The following XRCC4 variants were observed in gnomAD, a reference collection of about 807,000 sequenced individuals.
XRCC4 encodes the protein DNA repair protein XRCC4.
XRCC4 carries 28 observed loss-of-function variants against 39.1 expected under a neutral mutation model. That is an observed-to-expected ratio of 0.72 (90% CI 0.53 to 0.98). The LOEUF (loss-of-function observed/expected upper bound fraction) is 0.98. Among genes scored for constraint, XRCC4 ranks in the 50% least tolerant of loss-of-function variants. The pLI, the probability that XRCC4 is intolerant of heterozygous loss-of-function variation, is 0.00. For synonymous variants in XRCC4, 123 were observed against 126.4 expected (o/e 0.97, Z 0.18); for missense variants, 350 against 376.4 (o/e 0.93, Z 0.58).
chr5:83,331,049 C>T (rs537523536), intron 7 of XRCC4, among the ~76,000 whole-genome samples: 1 of 152,036 alleles, frequency 6.6e-6, no homozygotes, highest in African/African-American at 2.4e-5. Context: ...TAGGTAGATG[C>T]AATACTCTAG....
At chr5:83,123,527 TTATGTAA>T (rs28745316) in intron 3 of XRCC4, among the ~76,000 whole-genome samples, 2,267 of 146,120 alleles carry the variant, frequency 0.016, 71 homozygotes, top group African/African-American at 0.055. Context: ...CATTTATGTT[TTATGTAA>T]TTATTGACAA....
chr5:83,258,980 G>T, intron 7 of XRCC4: 1 of 274,296 alleles, frequency 3.6e-6, no homozygotes, highest in Non-Finnish European at 6.9e-6. Flanking sequence ...TCAGTAAAGT[G>T]TTTCAATCTA....
intron 7 of XRCC4, among the ~76,000 whole-genome samples, chr5:83,277,836 A>T (rs1754388032): frequency 6.6e-6 from 1 of 152,228 alleles, no homozygotes; most frequent in Non-Finnish European, 1.5e-5. Context: ...CAGAAACTTT[A>T]GGATAACTAT....
intron 2 of XRCC4, among the ~76,000 whole-genome samples, chr5:83,110,283 A>G (rs1746382011): frequency 6.6e-6 from 1 of 152,064 alleles, no homozygotes; most frequent in African/African-American, 2.4e-5. Context: ...CAGAAATGAA[A>G]GAGATCTTAA....
At chr5:83,175,054 G>C (rs571701911) in intron 3 of XRCC4, among the ~76,000 whole-genome samples, 32 of 152,216 alleles carry the variant, frequency 2.1e-4, no homozygotes, top group Middle Eastern at 6.8e-3. Flanking sequence ...TGAATTTCAA[G>C]TTTTCTTGTA....
chr5:83,091,532 C>A (rs1203665001), intron 1 of XRCC4, among the ~76,000 whole-genome samples: 1 of 152,176 alleles, frequency 6.6e-6, no homozygotes, highest in Non-Finnish European at 1.5e-5. Flanking sequence ...CCCTACCACC[C>A]AGCCTCTGGT....
chr5:83,299,879 A>G (rs1755216607), intron 7 of XRCC4, among the ~76,000 whole-genome samples: 1 of 151,856 alleles, frequency 6.6e-6, no homozygotes, highest in African/African-American at 2.4e-5. Context: ...TTCACCACCA[A>G]CTTTTGTTGC....
intron 7 of XRCC4, among the ~76,000 whole-genome samples, chr5:83,299,883 T>C (rs1371589125): frequency 6.6e-6 from 1 of 152,186 alleles, no homozygotes; most frequent in Admixed American, 6.5e-5. Flanking sequence ...CCACCAACTT[T>C]TGTTGCTTTT....
chr5:83,246,667 A>G (rs74576597), intron 6 of XRCC4, among the ~76,000 whole-genome samples: 544 of 152,290 alleles, frequency 3.6e-3, no homozygotes, highest in Non-Finnish European at 5.9e-3. Flanking sequence ...AGCATACATG[A>G]AACATTTACC....
Position 83,353,427 on chromosome 5 carries a change from T to C in XRCC4, c.*185T>C. On this transcript the variant is annotated 3_prime_UTR_variant, in exon 8 of 8. Coordinates refer to ENST00000396027, the MANE Select transcript of XRCC4 (RefSeq NM_003401.5). ...TGTATACAAAGATACGATTTGATGA[T>C]GACACTGGCACATTATTCTAAACTA... 2.1e-6 allele frequency: 1 copy of C among 466,196 alleles called. No homozygotes were observed. The highest frequency in any genetic ancestry group is 3.8e-6 in the Non-Finnish European group (1 of 260,890). The allele number at this position is 466,196 out of a possible 1,614,324, so 28.9% of individuals were successfully genotyped here.
intron 3 of XRCC4, among the ~76,000 whole-genome samples, chr5:83,185,249 A>G (rs1272476634): frequency 1.3e-5 from 2 of 151,942 alleles, no homozygotes; most frequent in Admixed American, 6.6e-5. Flanking sequence ...ATGAAAAAAC[A>G]TGATGGTCCT....
At chr5:83,320,066 A>T (rs1756002851) in intron 7 of XRCC4, among the ~76,000 whole-genome samples, 1 of 149,780 alleles carries the variant, frequency 6.7e-6, no homozygotes, top group African/African-American at 2.5e-5. Context: ...AGGGACATGG[A>T]TGAAATTGGA....
intron 7 of XRCC4, chr5:83,310,709 T>G (rs1490110409): frequency 4.5e-6 from 2 of 444,642 alleles, no homozygotes; most frequent in African/African-American, 2.0e-5. Flanking sequence ...CAGCTGTGAT[T>G]AAATTAAGTA....
chr5:83,241,627 A>G (rs974459184), intron 6 of XRCC4, among the ~76,000 whole-genome samples: 1 of 152,178 alleles, frequency 6.6e-6, no homozygotes, highest in Non-Finnish European at 1.5e-5. Flanking sequence ...ATCCTTGTAC[A>G]ATGCAGAGTT....
In XRCC4 at chr5:83,258,515, CT is replaced by C. The variant is rs1438259043; in HGVS notation, c.746-14del. On this transcript the variant is annotated splice_polypyrimidine_tract_variant and intron_variant, in intron 6 of 7. Transcript: ENST00000396027. ...TAATTTTGTTGGGTCACATTCTCAT[CT>C]CATTTTATTTCAGCTGCTGTAAGTA... 5.0e-6 allele frequency: 8 copies of C among 1,604,560 alleles called. No individual in the cohort carries two copies. Among genetic ancestry groups the C allele is most frequent in the Non-Finnish European group, 6.8e-6 (8 of 1,177,306 alleles).
chr5:83,306,910 G>T (rs1482793500), intron 7 of XRCC4, among the ~76,000 whole-genome samples: 1 of 152,186 alleles, frequency 6.6e-6, no homozygotes, highest in Admixed American at 6.5e-5. Context: ...GGGAACAGAG[G>T]AAGGGAAATT....
intron 7 of XRCC4, among the ~76,000 whole-genome samples, chr5:83,329,129 T>A (rs1756359177): frequency 6.6e-6 from 1 of 151,922 alleles, no homozygotes; most frequent in Non-Finnish European, 1.5e-5. Flanking sequence ...CACACCTACA[T>A]GAAAACAAAT....
chr5:83,157,912 T>C (rs1749036952), intron 3 of XRCC4, among the ~76,000 whole-genome samples: 1 of 152,104 alleles, frequency 6.6e-6, no homozygotes, highest in Non-Finnish European at 1.5e-5. Flanking sequence ...AATACTTTGG[T>C]TATTCAGTTA....
At chr5:83,117,465 TATTC>T (rs911085684) in intron 3 of XRCC4, among the ~76,000 whole-genome samples, 6 of 152,298 alleles carry the variant, frequency 3.9e-5, no homozygotes, top group African/African-American at 1.4e-4. Context: ...TTTAGAAAAA[TATTC>T]ATTTATGAGT....
Sources: gnomAD v4.1 joint callset for allele counts (sites outside exome capture counted in the v4.1 genomes callset) on GRCh38, gnomAD v4.1.1 for gene constraint, MANE v1.5 for transcripts, NCBI Gene and HGNC (gene_info 2026-07-23, HGNC 2026-07-21) for gene names.